The following UTRN variants were observed in gnomAD, a reference collection of about 807,000 sequenced individuals.
The protein encoded by UTRN is utrophin.
In UTRN, 283 loss-of-function variants were observed where a neutral mutation model predicts 463.9. The ratio of observed to expected loss-of-function variants is 0.61; its 90% CI spans 0.55 to 0.67. UTRN has a LOEUF of 0.67. Among genes scored for constraint, UTRN ranks in the 30% least tolerant of loss-of-function variants. The pLI is 0.00. For missense variants in UTRN, 3,922 were observed against 4,084.3 expected, an observed-to-expected ratio of 0.96 and a Z score of 1.08; for synonymous variants, 1,442 against 1,431.5, an observed-to-expected ratio of 1.01 and a Z score of -0.17.
chr6:144,774,900 GCAGT>G (rs1775184489), intron 60 of UTRN, among the ~76,000 whole-genome samples: 1 of 152,130 alleles, frequency 6.6e-6, no homozygotes, highest in South Asian at 2.1e-4. Flanking sequence ...GAATTCTGTG[GCAGT>G]CCTTTCATCA....
chr6:144,781,806 CTTAAA>C, intron 60 of UTRN, 111 bp from the exon 61 acceptor site: 1 of 708,860 alleles, frequency 1.4e-6, no homozygotes, highest in South Asian at 2.4e-5. Context: ...AGGATAGATT[CTTAAA>C]TTGAAGAATC....
chr6:144,721,326 A>C (rs1226602648), intron 53 of UTRN, among the ~76,000 whole-genome samples: 1 of 152,144 alleles, frequency 6.6e-6, no homozygotes, highest in Non-Finnish European at 1.5e-5. Flanking sequence ...GTCCTGCCTC[A>C]GCCTCCTGAG....
intron 65 of UTRN, among the ~76,000 whole-genome samples, chr6:144,814,665 C>A (rs1315562997): frequency 6.6e-6 from 1 of 152,010 alleles, no homozygotes; most frequent in Non-Finnish European, 1.5e-5. Flanking sequence ...AGTGTAACTA[C>A]TTTATGAATG....
chr6:144,334,278 C>A (rs2114613064), intron 2 of UTRN, among the ~76,000 whole-genome samples: 1 of 135,914 alleles, frequency 7.4e-6, no homozygotes, highest in East Asian at 2.2e-4. Context: ...CACTTGCTTT[C>A]ATTTCCTTTT....
chr6:144,523,302 G>T, intron 41 of UTRN, 114 bp downstream of exon 41: 1 of 850,396 alleles, frequency 1.2e-6, no homozygotes, highest in Non-Finnish European at 1.6e-6. Flanking sequence ...ATCCTTGTAG[G>T]ATGCCCTATT....
At chr6:144,790,536 T>C (rs1776672195) in intron 62 of UTRN, among the ~76,000 whole-genome samples, 1 of 152,232 alleles carries the variant, frequency 6.6e-6, no homozygotes, top group Non-Finnish European at 1.5e-5. Flanking sequence ...AAAAGAAATG[T>C]GGATTTATAT....
At chr6:144,423,742 A>T in intron 5 of UTRN, 116 bp downstream of exon 5, 1 of 1,280,034 alleles carries the variant, frequency 7.8e-7, no homozygotes, top group Non-Finnish European at 1.1e-6. Context: ...ATTTTTTCTT[A>T]TGAGAAATAC....
At chr6:144,338,559 C>T (rs915877190) in intron 2 of UTRN, among the ~76,000 whole-genome samples, 1 of 152,066 alleles carries the variant, frequency 6.6e-6, no homozygotes, top group East Asian at 1.9e-4. Context: ...ATGAAGCAGA[C>T]GAGACTCCAT....
intron 51 of UTRN, among the ~76,000 whole-genome samples, chr6:144,582,098 A>G (rs1007391275): frequency 1.3e-5 from 2 of 152,164 alleles, no homozygotes; most frequent in African/African-American, 4.8e-5. Flanking sequence ...AAGACCCAAT[A>G]AAGTCGGCAA....
At chr6:144,504,596 C>T (rs1413561077) in intron 34 of UTRN, among the ~76,000 whole-genome samples, 1 of 152,168 alleles carries the variant, frequency 6.6e-6, no homozygotes, top group Non-Finnish European at 1.5e-5. Context: ...CCTTGCATCC[C>T]AGAGATGAAG....
chr6:144,793,270 C>T (rs905272990), intron 62 of UTRN, among the ~76,000 whole-genome samples: 5 of 150,654 alleles, frequency 3.3e-5, no homozygotes, highest in African/African-American at 9.7e-5. Context: ...ACGTTTATTC[C>T]TTTGTGTTTT....
intron 57 of UTRN, among the ~76,000 whole-genome samples, chr6:144,755,590 A>G (rs905685799): frequency 6.6e-6 from 1 of 152,196 alleles, no homozygotes; most frequent in African/African-American, 2.4e-5. Flanking sequence ...GGCATATCGA[A>G]TTACACAAAG....
intron 2 of UTRN, among the ~76,000 whole-genome samples, chr6:144,332,740 CTA>C (rs915982803): frequency 3.3e-5 from 5 of 151,984 alleles, no homozygotes; most frequent in South Asian, 2.1e-4. Context: ...ATTTATGACA[CTA>C]TTTTTTATGT....
chr6:144,433,344 G>T lies in UTRN; in HGVS notation c.856-2591G>T, dbSNP rs1271246723. On this transcript the variant is annotated intron_variant, in intron 9 of 74. Coordinates refer to ENST00000367545, the MANE Select transcript of UTRN (RefSeq NM_007124.3). ...ACCCCCCACCTCCCTCCCGGACGGG[G>T]CGGCTGGCCTGGCGGGGGCTGACCC... 7.9e-5 allele frequency among the ~76,000 whole-genome samples: 12 copies of T among 151,402 alleles called. No individual in the cohort carries two copies. In the East Asian group the frequency reaches 2.4e-3, roughly 30 times the overall value.
intron 1 of UTRN, among the ~76,000 whole-genome samples, chr6:144,288,381 T>G (rs954857949): frequency 6.6e-6 from 1 of 152,336 alleles, no homozygotes; most frequent in East Asian, 1.9e-4. Context: ...AATAAAGGCT[T>G]TGGGTAGCAT....
intron 17 of UTRN, among the ~76,000 whole-genome samples, chr6:144,450,444 T>C (rs1010395558): frequency 6.6e-6 from 1 of 152,204 alleles, no homozygotes; most frequent in Admixed American, 6.5e-5. Context: ...CAAGGGAAAC[T>C]CCTCAGTGTA....
intron 60 of UTRN, among the ~76,000 whole-genome samples, chr6:144,777,134 G>C (rs57034177): frequency 0.027 from 4,152 of 152,212 alleles, 189 homozygotes; most frequent in African/African-American, 0.094. Flanking sequence ...CACAGAGCAG[G>C]GGTTGCTTAG....
intron 54 of UTRN, among the ~76,000 whole-genome samples, chr6:144,732,663 GTTATGTTATGTTA>G (rs1247444941): frequency 3.1e-5 from 3 of 96,492 alleles, no homozygotes; most frequent in African/African-American, 1.2e-4. Flanking sequence ...GTCATGTTAT[GTTATGTTATGTTA>G]TGTTATGTTA....
chr6:144,727,554 C>G (rs189142862), intron 53 of UTRN, among the ~76,000 whole-genome samples: 3 of 151,814 alleles, frequency 2.0e-5, no homozygotes, highest in Non-Finnish European at 2.9e-5. Flanking sequence ...GTCAGGAGAT[C>G]GAGACCATCC....
Sources: gnomAD v4.1 joint callset for allele counts (sites outside exome capture counted in the v4.1 genomes callset) on GRCh38, gnomAD v4.1.1 for gene constraint, MANE v1.5 for transcripts, NCBI Gene and HGNC (gene_info 2026-07-23, HGNC 2026-07-21) for gene names.